ADAMTS16: variants seen among roughly 807,000 people sequenced by gnomAD.
The protein encoded by ADAMTS16 is ADAM metallopeptidase with thrombospondin type 1 motif 16, also known as A disintegrin and metalloproteinase with thrombospondin motifs 16.
In ADAMTS16, 94 loss-of-function variants were observed where a neutral mutation model predicts 145.8. The ratio of observed to expected loss-of-function variants is 0.64; its 90% CI spans 0.55 to 0.77. The LOEUF (loss-of-function observed/expected upper bound fraction) is 0.77, where lower values mean the gene tolerates loss of function less well. Among genes scored for constraint, ADAMTS16 ranks in the 30% least tolerant of loss-of-function variants. The pLI, the probability that ADAMTS16 is intolerant of heterozygous loss-of-function variation, is 0.00. For missense variants in ADAMTS16, 1,585 were observed against 1,591.5 expected, an observed-to-expected ratio of 1.00 and a Z score of 0.07; for synonymous variants, 659 against 604.3, an observed-to-expected ratio of 1.09 and a Z score of -1.33.
chr5:5,308,206 C>T (rs893082440), intron 21 of ADAMTS16, among the ~76,000 whole-genome samples: 3 of 152,220 alleles, frequency 2.0e-5, no homozygotes, highest in African/African-American at 7.2e-5. Context: ...GGCCATTGGG[C>T]TGTGGCCTGT....
At chr5:5,165,161 A>G (rs781477565) in intron 3 of ADAMTS16, among the ~76,000 whole-genome samples, 1 of 151,970 alleles carries the variant, frequency 6.6e-6, no homozygotes, top group Non-Finnish European at 1.5e-5. Context: ...TCCCACCTCC[A>G]GTGCCTTTTT....
At chr5:5,191,372 A>G (rs1735659568) in intron 7 of ADAMTS16, among the ~76,000 whole-genome samples, 1 of 152,086 alleles carries the variant, frequency 6.6e-6, no homozygotes, top group South Asian at 2.1e-4. Context: ...TCCATCTGCA[A>G]TAGATTCCAC....
At position 5,152,315 on chromosome 5, in the gene ADAMTS16, C is replaced by A. The variant is rs560719254; in HGVS notation, c.501+5860C>A. ...AGCAGAGCTCCGGTGGGGATGGTAACCCCTTGTCTTCCCTGGTTGTGCTTC... is the reference window on the plus strand; with the variant it reads ...AGCAGAGCTCCGGTGGGGATGGTAAACCCTTGTCTTCCCTGGTTGTGCTTC... On this transcript the variant is annotated intron_variant, in intron 3 of 22. Transcript: ENST00000274181. Among the ~76,000 whole-genome samples, 8 of 152,322 alleles carry A rather than the reference C, an allele frequency of 5.3e-5. No homozygotes were observed. In the South Asian group the frequency reaches 1.4e-3, roughly 28 times the overall value.
intron 2 of ADAMTS16, among the ~76,000 whole-genome samples, chr5:5,141,908 G>C (rs1299036405): frequency 6.6e-6 from 1 of 152,138 alleles, no homozygotes; most frequent in African/African-American, 2.4e-5. Flanking sequence ...AATTGTCACA[G>C]TGAATTTACA....
chr5:5,186,301 G>GGGGGGTGTGTGTGTGTGTGT lies in ADAMTS16; in HGVS notation c.963+51_963+52insGGGGTGTGTGTGTGTGTGTG, dbSNP rs368811446. ...CCACCTGTGTCATTGCACTTCGTAG[G>GGGGGGTGTGTGTGTGTGTGT]GTGTGTGTGTGTGTGTGTGTGTGTG... On this transcript the variant is annotated intron_variant, in intron 5 of 22. Coordinates refer to ENST00000274181, the MANE Select transcript of ADAMTS16 (RefSeq NM_139056.4). 1.6e-5 allele frequency: 16 copies of GGGGGGTGTGTGTGTGTGTGT among 987,474 alleles called. No individual in the cohort carries two copies. In the African/African-American group the frequency reaches 2.2e-4, roughly 14 times the overall value. The allele number at this position is 987,474 out of a possible 1,614,324, so 61.2% of individuals were successfully genotyped here. A position where few individuals can be genotyped will look rare whatever the true frequency, so the allele number is the denominator to read the frequency against.
At chr5:5,306,082 T>G (rs1379925378) in intron 20 of ADAMTS16, among the ~76,000 whole-genome samples, 1 of 152,206 alleles carries the variant, frequency 6.6e-6, no homozygotes, top group East Asian at 1.9e-4. Context: ...TTGTGAGCCC[T>G]GAGTTTCTTC....
In ADAMTS16 at chr5:5,250,707, C is replaced by CTGTGTGTGTGTGTGTGTG. The variant is rs763835441; in HGVS notation, c.2662+8517_2662+8518insGTGTGTGTGTGTGTGTGT. Among the ~76,000 whole-genome samples, 607 of 148,654 alleles carry CTGTGTGTGTGTGTGTGTG rather than the reference C, an allele frequency of 4.1e-3. 3 individuals are homozygous for CTGTGTGTGTGTGTGTGTG. The highest frequency in any genetic ancestry group is 0.04 in the East Asian group (190 of 4,780). On this transcript the variant is annotated intron_variant, in intron 17 of 22. Coordinates refer to ENST00000274181, the MANE Select transcript of ADAMTS16 (RefSeq NM_139056.4). The stretch of plus-strand genomic sequence containing the variant: ...GTTCATCACCCTGTCTGTCTCTTCT[C>CTGTGTGTGTGTGTGTGTG]TCTGTGTGTGTGTGTGTGTGTGTGT...
rs1197882296 is a variant in ADAMTS16 at position 5,306,678 on chromosome 5, G to T, written c.3361G>T (p.Ala1121Ser). ...PLPCPRHPPF[A>S]AAGPSRGSWF... is the part of the protein sequence containing the mutation. ...TCCATGCCCCAGGCACCCCCCATTT[G>T]CTGCTGCGGGACCCTCGAGGGGCAG... Residue 1121 changes from alanine (A) to serine (S), a missense_variant, in exon 21 of 23, where the codon GCT becomes TCT. By Grantham distance (99) the Ala-to-Ser change is moderately conservative (BLOSUM62 1). Coordinates refer to ENST00000274181, the MANE Select transcript of ADAMTS16 (RefSeq NM_139056.4). 1 of 1,613,912 alleles carries T rather than the reference G, an allele frequency of 6.2e-7. No homozygotes were observed.
chr5:5,306,724 C>T lies in ADAMTS16; in HGVS notation c.3407C>T (p.Ser1136Phe). The change falls in exon 21 of 23, where the codon TCT (serine) becomes TTT (phenylalanine). Residue 1136 changes from serine to phenylalanine, a missense_variant. By Grantham distance (155) the Ser-to-Phe change is radical (BLOSUM62 -2). Around this residue, in one of 3 missense-constraint regions of ADAMTS16, gnomAD observed 834 missense variants for 811.7 expected, o/e 1.03. Coordinates refer to ENST00000274181, the MANE Select transcript of ADAMTS16 (RefSeq NM_139056.4). Reference protein sequence around the residue: ...SRGSWFASPWSQCTASCGGGV... With the variant: ...SRGSWFASPWFQCTASCGGGV... ...GGCAGCTGGTTTGCCTCACCCTGGT[C>T]TCAGGTAGGGGAGGCCCTCGGTTCC... is the stretch of plus-strand genomic sequence containing the variant. 1.2e-6 allele frequency: 2 copies of T among 1,606,894 alleles called. No individual in the cohort carries two copies. Among genetic ancestry groups the T allele is most frequent in the African/African-American group, 2.7e-5 (2 of 74,884 alleles).
chr5:5,213,219 A>G (rs1736324926), intron 10 of ADAMTS16, among the ~76,000 whole-genome samples: 1 of 152,200 alleles, frequency 6.6e-6, no homozygotes, highest in South Asian at 2.1e-4. Context: ...ATTGTTTAGT[A>G]TCTATGTTTT....
At chr5:5,244,415 C>T (rs549815985) in intron 17 of ADAMTS16, among the ~76,000 whole-genome samples, 71 of 152,242 alleles carry the variant, frequency 4.7e-4, no homozygotes, top group Admixed American at 1.2e-3. Context: ...TTGTCAAAAC[C>T]TTCGACAGGG....
chr5:5,267,205 T>C (rs1236374047), intron 18 of ADAMTS16, among the ~76,000 whole-genome samples: 1 of 151,992 alleles, frequency 6.6e-6, no homozygotes, highest in African/African-American at 2.4e-5. Flanking sequence ...CGTCTAAGGG[T>C]GAATGTTTAC....
At position 5,224,707 on chromosome 5, in the gene ADAMTS16, T is replaced by C. The variant is rs76308229; in HGVS notation, c.1701+1823T>C. ...TTAAGCTGCAGATAATCATGACTTT[T>C]CTGCTGTCATTGATTAAAATGGATT... is the stretch of plus-strand genomic sequence containing the variant. On this transcript the variant is annotated intron_variant, in intron 11 of 22. Coordinates refer to ENST00000274181, the MANE Select transcript of ADAMTS16 (RefSeq NM_139056.4). Among the ~76,000 whole-genome samples the C allele has an allele frequency of 7.4e-3, 1,134 of 152,356 alleles. 18 individuals carry two copies. The highest frequency in any genetic ancestry group is 0.026 in the African/African-American group (1,074 of 41,590).
At chr5:5,194,003 G>C (rs1735733324) in intron 8 of ADAMTS16, among the ~76,000 whole-genome samples, 1 of 152,148 alleles carries the variant, frequency 6.6e-6, no homozygotes, top group South Asian at 2.1e-4. Context: ...TTGGGAGGCT[G>C]AGGTGGGAGA....
At chr5:5,205,418 T>G (rs1279041463) in intron 9 of ADAMTS16, among the ~76,000 whole-genome samples, 2 of 151,888 alleles carry the variant, frequency 1.3e-5, no homozygotes, top group African/African-American at 4.9e-5. Flanking sequence ...GACCACTTAA[T>G]TTTTGTATAT....
In ADAMTS16 at chr5:5,140,505, C is replaced by T. The variant is rs1280743820; in HGVS notation, c.38C>T (p.Ala13Val). 9.2e-6 allele frequency: 14 copies of T among 1,519,920 alleles called. No homozygotes were observed. The South Asian group carries it at 1.7e-4, about 18-fold the overall frequency. The allele number at this position is 1,519,920 out of a possible 1,614,324, so 94.2% of individuals were successfully genotyped here. A position where few individuals can be genotyped will look rare whatever the true frequency, so the allele number is the denominator to read the frequency against. Residue 13 changes from alanine (A) to valine (V), a missense_variant, in exon 1 of 23, where the codon GCG becomes GTG. This residue lies in a region of ADAMTS16 where 453 missense variants were observed against 412.1 expected (regional missense o/e 1.10). Coordinates refer to ENST00000274181, the MANE Select transcript of ADAMTS16 (RefSeq NM_139056.4). ...GCGCGCGGATGGCGGGGCTTGGCGG[C>T]GCTGTGGATGCTGTTGGCGCAGGTG... is the stretch of plus-strand genomic sequence containing the variant. ...PRARGWRGLA[A>V]LWMLLAQVAE...
intron 18 of ADAMTS16, among the ~76,000 whole-genome samples, chr5:5,274,685 C>T (rs1738618561): frequency 1.3e-5 from 2 of 149,266 alleles, no homozygotes. Context: ...TATATATATA[C>T]ATATATACAT....
intron 7 of ADAMTS16, among the ~76,000 whole-genome samples, chr5:5,190,553 G>A (rs1735636751): frequency 6.6e-6 from 1 of 151,920 alleles, no homozygotes. Flanking sequence ...TCTTAGCAAT[G>A]TTTTAGACAT....
At chr5:5,197,658 AGTTCTTGGTTGCCACATAG>A (rs1157125761) in intron 8 of ADAMTS16, among the ~76,000 whole-genome samples, 1 of 152,260 alleles carries the variant, frequency 6.6e-6, no homozygotes, top group Non-Finnish European at 1.5e-5. Flanking sequence ...TAGTAGTTAT[AGTTCTTGGTTGCCACATAG>A]CAACCTTATC....
Sources: gnomAD v4.1 joint callset for allele counts (sites outside exome capture counted in the v4.1 genomes callset) on GRCh38, gnomAD v4.1.1 for gene constraint, gnomAD v4.1.1 regional missense constraint, MANE v1.5 for transcripts, NCBI Gene and HGNC (gene_info 2026-07-23, HGNC 2026-07-21) for gene names.